Variants in NEBL observed in about 807,000 individuals in gnomAD.
NEBL encodes LIM and SH3 protein 2.
NEBL carries 122 observed loss-of-function variants against 140.2 expected under a neutral mutation model. The ratio of observed to expected loss-of-function variants is 0.87; its 90% CI spans 0.75 to 1.01. The LOEUF is 1.01. NEBL is among the 50% of genes least tolerant of loss of function. The pLI, the probability that NEBL is intolerant of heterozygous loss-of-function variation, is 0.00. For synonymous variants in NEBL, 436 were observed against 398.9 expected (o/e 1.09, Z -1.11); for missense variants, 1,365 against 1,231.3 (o/e 1.11, Z -1.62).
In NEBL at chr10:20,880,064, T is replaced by A. The variant is rs140507662; in HGVS notation, c.480+730A>T. 3.5e-3 allele frequency among the ~76,000 whole-genome samples: 530 copies of A among 152,264 alleles called. 8 individuals are homozygous for A. Among genetic ancestry groups the A allele is most frequent in the African/African-American group, 0.011 (461 of 41,554 alleles). Reference sequence around the variant, plus strand: ...GTTGGACCATCTGTTCTTACAAACATCCTAAAAGAAACAATAGGCCAGGCA... The same window carrying A: ...GTTGGACCATCTGTTCTTACAAACAACCTAAAAGAAACAATAGGCCAGGCA... On this transcript the variant is annotated intron_variant, in intron 5 of 27. Coordinates refer to ENST00000377122, the MANE Select transcript of NEBL (RefSeq NM_006393.3).
At chr10:20,948,775 C>G (rs997888890) in intron 4 of NEBL, among the ~76,000 whole-genome samples, 1 of 152,204 alleles carries the variant, frequency 6.6e-6, no homozygotes, top group African/African-American at 2.4e-5. Context: ...TCGGGCCACA[C>G]TGATTCAGCT....
At chr10:21,028,907 T>C (rs1833655068) in intron 2 of NEBL, 5 of 443,824 alleles carry the variant, frequency 1.1e-5, no homozygotes, top group Non-Finnish European at 2.0e-5. Flanking sequence ...AAGATTGATA[T>C]TGTCATATTT....
chr10:21,233,504 A>T (rs11594971), intron 3 of NEBL, among the ~76,000 whole-genome samples: 6,064 of 151,242 alleles, frequency 0.04, 193 homozygotes, highest in South Asian at 0.14. Flanking sequence ...TGCATACATA[A>T]CTATATCTAT....
chr10:20,901,637 A>C (rs7898940), upstream of NEBL, among the ~76,000 whole-genome samples: 86,947 of 151,900 alleles, frequency 0.57, 25,926 homozygotes, highest in Non-Finnish European at 0.65. Context: ...TGAATTCAAC[A>C]TTTCTTATTA....
chr10:21,077,870 C>T (rs550557551), intron 2 of NEBL, among the ~76,000 whole-genome samples: 8 of 152,138 alleles, frequency 5.3e-5, no homozygotes, highest in African/African-American at 1.4e-4. Context: ...TTCAACAGCC[C>T]GAGCTATGGG....
intron 3 of NEBL, among the ~76,000 whole-genome samples, chr10:21,184,883 T>C (rs2132209459): frequency 6.6e-6 from 1 of 152,370 alleles, no homozygotes; most frequent in South Asian, 2.1e-4. Flanking sequence ...CCCGAGACTG[T>C]TAACAGAGGT....
At chr10:21,049,815 G>A (rs1834691324) in intron 2 of NEBL, among the ~76,000 whole-genome samples, 1 of 152,186 alleles carries the variant, frequency 6.6e-6, no homozygotes, top group African/African-American at 2.4e-5. Context: ...AGGCCACTTA[G>A]AGGCAAAGTG....
chr10:21,240,916 A>ACG (rs1375976894), intron 3 of NEBL, among the ~76,000 whole-genome samples: 13 of 149,454 alleles, frequency 8.7e-5, no homozygotes, highest in Admixed American at 8.0e-4. Context: ...ATACACACAC[A>ACG]CACACACACA....
intron 2 of NEBL, among the ~76,000 whole-genome samples, chr10:21,049,638 A>T (rs954038581): frequency 3.9e-5 from 6 of 152,128 alleles, no homozygotes; most frequent in Non-Finnish European, 8.8e-5. Flanking sequence ...GAATCTACAC[A>T]GTCAAATTAA....
chr10:21,071,633 G>A (rs963230729), intron 2 of NEBL, among the ~76,000 whole-genome samples: 15 of 152,244 alleles, frequency 9.9e-5, no homozygotes, highest in Admixed American at 7.8e-4. Context: ...TGTTCTCCAG[G>A]TGATTCTAAT....
intron 4 of NEBL, among the ~76,000 whole-genome samples, chr10:20,953,844 C>T (rs1023093284): frequency 3.3e-5 from 5 of 151,828 alleles, no homozygotes; most frequent in Non-Finnish European, 7.4e-5. Context: ...ATATTATTAC[C>T]TCATTCGTTT....
intron 2 of NEBL, among the ~76,000 whole-genome samples, chr10:21,115,749 A>T (rs1838255135): frequency 6.6e-6 from 1 of 151,868 alleles, no homozygotes; most frequent in Non-Finnish European, 1.5e-5. Context: ...GATGATTTTC[A>T]GCAAATTTGG....
chr10:21,033,816 T>C (rs1833899843), intron 2 of NEBL, among the ~76,000 whole-genome samples: 1 of 151,542 alleles, frequency 6.6e-6, no homozygotes, highest in Non-Finnish European at 1.5e-5. Flanking sequence ...GCTCTTATGA[T>C]ATGGCTCTCG....
intron 2 of NEBL, among the ~76,000 whole-genome samples, chr10:21,151,057 G>C (rs1359845525): frequency 2.0e-5 from 3 of 152,200 alleles, no homozygotes; most frequent in African/African-American, 7.2e-5. Context: ...GCAGAGACGG[G>C]AAGGATGAAA....
chr10:21,120,599 G>A lies in NEBL; in HGVS notation c.164+51784C>T, dbSNP rs141954107. Reference sequence around the variant, plus strand: ...AGGTCACTTATTAATTACTAGGGCAGTCATAAAATACCGGTTCTCTCTCCC... The same window carrying A: ...AGGTCACTTATTAATTACTAGGGCAATCATAAAATACCGGTTCTCTCTCCC... On this transcript the variant is annotated intron_variant, in intron 2 of 6. Coordinates refer to the NEBL transcript ENST00000417816. Among the ~76,000 whole-genome samples the A allele has an allele frequency of 4.7e-3, 663 of 141,794 alleles. 6 individuals are homozygous for A. The highest frequency in any genetic ancestry group is 0.017 in the African/African-American group (635 of 38,264). The allele number at this position is 141,794 out of a possible 152,430, so 93.0% of individuals were successfully genotyped here. A position where few individuals can be genotyped will look rare whatever the true frequency, so the allele number is the denominator to read the frequency against.
At position 21,008,692 on chromosome 10, in the gene NEBL, G is replaced by C. The variant is rs1327093947; in HGVS notation, c.249+11425C>G. Reference sequence around the variant, plus strand: ...GCAGTGAAAACCCGCTGGTGGGAATGTAAACTAGTTATTGTTGTTAATCTC... The same window carrying C: ...GCAGTGAAAACCCGCTGGTGGGAATCTAAACTAGTTATTGTTGTTAATCTC... On this transcript the variant is annotated intron_variant, in intron 3 of 6. Transcript: ENST00000417816. 2.6e-5 allele frequency among the ~76,000 whole-genome samples: 4 copies of C among 152,090 alleles called. No homozygotes were observed. The East Asian group carries it at 7.7e-4, about 29-fold the overall frequency.
chr10:21,141,544 C>T (rs1303281725), intron 2 of NEBL, among the ~76,000 whole-genome samples: 12 of 152,062 alleles, frequency 7.9e-5, no homozygotes, highest in Admixed American at 7.9e-4. Flanking sequence ...AAAGTTGAAA[C>T]AATGAAAAAC....
chr10:21,056,230 C>A (rs936996476), intron 2 of NEBL, among the ~76,000 whole-genome samples: 1 of 152,180 alleles, frequency 6.6e-6, no homozygotes, highest in African/African-American at 2.4e-5. Context: ...ACACCCAGAT[C>A]CCTGATTGCA....
chr10:20,852,737 G>A, intron 9 of NEBL, 88 bp from the exon 10 acceptor site: 1 of 1,133,898 alleles, frequency 8.8e-7, no homozygotes, highest in Non-Finnish European at 1.3e-6. Flanking sequence ...CACATTACAA[G>A]CCACCAAGAG....
Sources: allele counts gnomAD v4.1 joint callset (sites outside exome capture counted in the v4.1 genomes callset), GRCh38; gene constraint gnomAD v4.1.1; transcripts MANE v1.5; gene names NCBI Gene and HGNC (gene_info 2026-07-23, HGNC 2026-07-21).